The following RARB variants were observed in gnomAD, a reference collection of about 807,000 sequenced individuals.
RARB encodes HBV-activated protein.
A neutral mutation model predicts 51.9 loss-of-function variants in RARB; 17 were observed. That is an observed-to-expected ratio of 0.33 (90% CI 0.22 to 0.49). The LOEUF (loss-of-function observed/expected upper bound fraction) is 0.49, where lower values mean the gene tolerates loss of function less well. RARB is among the 20% of genes least tolerant of loss of function. The probability of loss-of-function intolerance (pLI) is 0.99; values close to 1 mark genes in which losing one functional copy is unlikely to be tolerated. For missense variants in RARB, 369 were observed against 550.8 expected, an observed-to-expected ratio of 0.67 and a Z score of 3.30; for synonymous variants, 215 against 195.4, an observed-to-expected ratio of 1.10 and a Z score of -0.84.
intron 2 of RARB, among the ~76,000 whole-genome samples, chr3:24,873,974 A>G (rs1702995606): frequency 6.6e-6 from 1 of 152,124 alleles, no homozygotes; most frequent in South Asian, 2.1e-4. Context: ...TAGCAAGGCA[A>G]CAAAATACTG....
rs974120400 is a variant in RARB, at chr3:24,908,640, T to A, written c.-380+49888T>A. ...AAAGGCTTTCTAGCTCTAAAATTTG[T>A]AATTCTTGAGGTAACCACAACTGTT... On this transcript the variant is annotated intron_variant, in intron 2 of 11. Coordinates refer to the RARB transcript ENST00000383772. Among the ~76,000 whole-genome samples the A allele has an allele frequency of 2.7e-5, 4 of 150,262 alleles. No homozygotes were observed. The East Asian group carries it at 7.9e-4, about 30-fold the overall frequency.
intron 1 of RARB, among the ~76,000 whole-genome samples, chr3:24,831,799 C>T (rs1434542150): frequency 3.9e-5 from 6 of 152,164 alleles, no homozygotes; most frequent in Admixed American, 2.0e-4. Flanking sequence ...ACAATATATA[C>T]GTAATTAGGA....
intron 3 of RARB, among the ~76,000 whole-genome samples, chr3:25,072,899 A>G (rs1433328626): frequency 2.0e-5 from 3 of 151,604 alleles, no homozygotes; most frequent in East Asian, 3.9e-4. Context: ...TTTAGTAGAG[A>G]CGAGGTTTCA....
chr3:25,589,752 A>G (rs1021910826), intron 5 of RARB, among the ~76,000 whole-genome samples: 1 of 152,220 alleles, frequency 6.6e-6, no homozygotes, highest in Non-Finnish European at 1.5e-5. Flanking sequence ...AACTTTGACC[A>G]TCAACTGGAG....
intron 5 of RARB, among the ~76,000 whole-genome samples, chr3:25,200,002 A>T (rs1222670203): frequency 6.6e-6 from 1 of 152,128 alleles, no homozygotes; most frequent in Non-Finnish European, 1.5e-5. Context: ...CTAGTTCTAG[A>T]TCCCTGAGGA....
At chr3:25,232,579 A>G (rs748696625) in intron 5 of RARB, among the ~76,000 whole-genome samples, 2 of 152,172 alleles carry the variant, frequency 1.3e-5, no homozygotes, top group Non-Finnish European at 2.9e-5. Flanking sequence ...ATACACATCC[A>G]GTCCATATAT....
At chr3:24,896,833 C>A (rs1018554751) in intron 2 of RARB, among the ~76,000 whole-genome samples, 1 of 152,110 alleles carries the variant, frequency 6.6e-6, no homozygotes, top group Non-Finnish European at 1.5e-5. Context: ...AAATAGATCT[C>A]TATTTCAGAC....
At chr3:25,563,981 T>C (rs1365393856) in intron 3 of RARB, among the ~76,000 whole-genome samples, 5 of 151,750 alleles carry the variant, frequency 3.3e-5, no homozygotes, top group African/African-American at 1.2e-4. Context: ...AAAGGATTTT[T>C]AGTGAAGCAT....
At chr3:25,171,602 A>C (rs1485311784) in intron 4 of RARB, among the ~76,000 whole-genome samples, 4 of 123,916 alleles carry the variant, frequency 3.2e-5, no homozygotes, top group Non-Finnish European at 6.5e-5. Flanking sequence ...AGGATTATTG[A>C]GGGTGGAATA....
At chr3:25,205,752 T>C (rs537151081) in intron 5 of RARB, among the ~76,000 whole-genome samples, 52 of 152,218 alleles carry the variant, frequency 3.4e-4, no homozygotes, top group African/African-American at 1.2e-3. Flanking sequence ...AAACCTTTTT[T>C]TTTTTCTTGA....
chr3:25,076,234 G>T (rs148685838), intron 3 of RARB, among the ~76,000 whole-genome samples: 1 of 151,618 alleles, frequency 6.6e-6, no homozygotes, highest in Non-Finnish European at 1.5e-5. Context: ...TCCGCCTCCC[G>T]GGTTCACGCC....
chr3:25,357,263 C>G (rs1016779414), intron 5 of RARB, among the ~76,000 whole-genome samples: 1 of 152,186 alleles, frequency 6.6e-6, no homozygotes, highest in Non-Finnish European at 1.5e-5. Context: ...CTTTAATGAC[C>G]AGTGATAATG....
intron 3 of RARB, among the ~76,000 whole-genome samples, chr3:25,104,936 G>C (rs552888817): frequency 2.6e-5 from 4 of 152,272 alleles, no homozygotes; most frequent in Admixed American, 2.6e-4. Context: ...GGGAGCTCCT[G>C]TTTCTTCGTC....
At chr3:25,422,127 C>G (rs1428479065) in intron 5 of RARB, among the ~76,000 whole-genome samples, 3 of 152,168 alleles carry the variant, frequency 2.0e-5, no homozygotes, top group African/African-American at 4.8e-5. Flanking sequence ...TAAAAGCCGA[C>G]TAACAGTTTC....
At chr3:25,506,939 G>A (rs564855120) in intron 3 of RARB, among the ~76,000 whole-genome samples, 39 of 152,302 alleles carry the variant, frequency 2.6e-4, no homozygotes, top group African/African-American at 9.1e-4. Context: ...TTTTTCTGAG[G>A]ATTTACCTCC....
chr3:24,887,630 A>G lies in RARB; in HGVS notation c.-380+28878A>G, dbSNP rs558982517. ...GAATAGCTGTAGGCCAGCTTCTAGA[A>G]TAATCTAACAACTCTCACAGCTCCT... is the stretch of plus-strand genomic sequence containing the variant. On this transcript the variant is annotated intron_variant, in intron 2 of 11. Coordinates refer to the RARB transcript ENST00000383772. Among the ~76,000 whole-genome samples the G allele has an allele frequency of 2.0e-5, 3 of 152,370 alleles. No individual in the cohort carries two copies. The South Asian group carries it at 6.2e-4, about 32-fold the overall frequency.
chr3:24,860,724 T>C lies in RARB; in HGVS notation c.-380+1972T>C, dbSNP rs144416034. ...TAAATAGAATACCCCCTAAGTATGTTGAAATTGAGACTATTTAAAAAGGAA... is the reference window on the plus strand; with the variant it reads ...TAAATAGAATACCCCCTAAGTATGTCGAAATTGAGACTATTTAAAAAGGAA... On this transcript the variant is annotated intron_variant, in intron 2 of 11. Coordinates refer to the RARB transcript ENST00000383772. 2.2e-3 allele frequency among the ~76,000 whole-genome samples: 341 copies of C among 152,316 alleles called. 2 individuals carry two copies. The highest frequency in any genetic ancestry group is 0.01 in the Middle Eastern group (3 of 294).
chr3:25,369,660 C>T (rs145225643), intron 5 of RARB, among the ~76,000 whole-genome samples: 3,024 of 152,248 alleles, frequency 0.02, 90 homozygotes, highest in African/African-American at 0.065. Context: ...CGGTGGCTCA[C>T]GCCTGTAATC....
intron 4 of RARB, among the ~76,000 whole-genome samples, chr3:25,154,193 G>A (rs17517792): frequency 0.094 from 14,261 of 152,052 alleles, 884 homozygotes; most frequent in South Asian, 0.24. Flanking sequence ...CACATCAACC[G>A]GTGCTAATGG....
Sources: allele counts gnomAD v4.1 joint callset (sites outside exome capture counted in the v4.1 genomes callset), GRCh38; gene constraint gnomAD v4.1.1; transcripts MANE v1.5; gene names NCBI Gene and HGNC (gene_info 2026-07-23, HGNC 2026-07-21).